The following SDK1 variants were observed in gnomAD, a reference collection of about 807,000 sequenced individuals.
SDK1 encodes protein sidekick-1.
Under a neutral mutation model 245.5 loss-of-function variants are expected in SDK1, and 157 were observed. That is an observed-to-expected ratio of 0.64 (90% confidence interval 0.56 to 0.73). The LOEUF is 0.73. Among genes scored for constraint, SDK1 ranks in the 30% least tolerant of loss-of-function variants. SDK1 has a pLI of 0.00. For synonymous variants in SDK1, 1,647 were observed against 1,278.5 expected (o/e 1.29, Z -6.15); for missense variants, 3,583 against 3,002.3 (o/e 1.19, Z -4.52).
intron 4 of SDK1, among the ~76,000 whole-genome samples, chr7:3,723,298 T>C (rs1778875764): frequency 6.6e-6 from 1 of 152,208 alleles, no homozygotes; most frequent in African/African-American, 2.4e-5. Flanking sequence ...ATGATTACCA[T>C]AGAAAACAGG....
At chr7:3,973,504 A>T (rs1782649339) in intron 12 of SDK1, among the ~76,000 whole-genome samples, 1 of 152,210 alleles carries the variant, frequency 6.6e-6, no homozygotes, top group African/African-American at 2.4e-5. Flanking sequence ...TTAAATGAGA[A>T]ATAAATGCAA....
chr7:3,492,999 G>A (rs1170916412), intron 1 of SDK1, among the ~76,000 whole-genome samples: 1 of 152,084 alleles, frequency 6.6e-6, no homozygotes, highest in East Asian at 1.9e-4. Context: ...CGCCCAGGCT[G>A]GAGTGCAGTG....
chr7:3,729,780 A>G (rs1353014336), intron 4 of SDK1, among the ~76,000 whole-genome samples: 1 of 152,112 alleles, frequency 6.6e-6, no homozygotes, highest in East Asian at 1.9e-4. Flanking sequence ...TTTAATGACC[A>G]GAATTTTTAG....
chr7:4,083,734 A>ACTTCCTCCCTCCCTCCTTTACTTCCTCCC (rs1562785192), intron 22 of SDK1, among the ~76,000 whole-genome samples: 3 of 4,118 alleles, frequency 7.3e-4, no homozygotes, highest in African/African-American at 1.4e-3. Context: ...TACTTCCTCC[A>ACTTCCTCCCTCCCTCCTTTACTTCCTCCC]TCCCTCCCTT....
intron 35 of SDK1, among the ~76,000 whole-genome samples, chr7:4,186,286 G>T (rs919546136): frequency 6.6e-6 from 1 of 152,014 alleles, no homozygotes; most frequent in Admixed American, 6.6e-5. Flanking sequence ...AAGCATGGCC[G>T]CCAGCCCAGC....
In SDK1 at chr7:3,466,640, G is replaced by C. The variant is rs566129256; in HGVS notation, c.299-152440G>C. On this transcript the variant is annotated intron_variant, in intron 1 of 44. Coordinates refer to ENST00000404826, the MANE Select transcript of SDK1 (RefSeq NM_152744.4). ...CCATATCCATGTTTCATGTGAAATT[G>C]CTTGTCATTCTTGCTTATCACTTAA... Among the ~76,000 whole-genome samples the C allele has an allele frequency of 2.6e-5, 4 of 151,318 alleles. No individual in the cohort carries two copies. In the East Asian group the frequency reaches 5.9e-4, roughly 22 times the overall value.
chr7:3,894,810 C>A (rs1000625954), intron 5 of SDK1, among the ~76,000 whole-genome samples: 1 of 149,782 alleles, frequency 6.7e-6, no homozygotes, highest in Non-Finnish European at 1.5e-5. Context: ...GCGATTTGTA[C>A]TTCAGCCTCC....
At chr7:4,233,441 T>C (rs1562463508) in intron 41 of SDK1, 22 bp downstream of exon 41, 1 of 1,604,934 alleles carries the variant, frequency 6.2e-7, no homozygotes, top group Non-Finnish European at 8.5e-7. Context: ...CAGGGAGGTC[T>C]GTCTTCTTCT....
At chr7:4,193,168 T>C (rs1377183415) in intron 35 of SDK1, among the ~76,000 whole-genome samples, 6 of 134,588 alleles carry the variant, frequency 4.5e-5, no homozygotes, top group African/African-American at 1.4e-4. Context: ...TATATTAAAA[T>C]ATTTATATAT....
At chr7:3,951,614 C>A in intron 6 of SDK1, 116 bp from the exon 7 acceptor site, 1 of 838,712 alleles carries the variant, frequency 1.2e-6, no homozygotes, top group East Asian at 2.6e-5. Context: ...TTGTTCAACC[C>A]ACCATGCACC....
At chr7:4,072,636 C>G (rs920800) in intron 20 of SDK1, among the ~76,000 whole-genome samples, 3,832 of 152,328 alleles carry the variant, frequency 0.025, 78 homozygotes, top group Admixed American at 0.053. Context: ...TGTTCGTGGG[C>G]AAACCTGGCT....
intron 21 of SDK1, among the ~76,000 whole-genome samples, chr7:4,077,878 C>T (rs1780797079): frequency 6.6e-6 from 1 of 152,156 alleles, no homozygotes; most frequent in Non-Finnish European, 1.5e-5. Context: ...CACAGCCAAA[C>T]CATATCAATG....
At chr7:4,230,020 G>C (rs1393599977) in intron 40 of SDK1, among the ~76,000 whole-genome samples, 2 of 144,426 alleles carry the variant, frequency 1.4e-5, no homozygotes, top group African/African-American at 5.2e-5. Flanking sequence ...TGGATGGATG[G>C]ATGGAAGGAG....
At chr7:3,476,835 C>G (rs1414535035) in intron 1 of SDK1, among the ~76,000 whole-genome samples, 1 of 152,150 alleles carries the variant, frequency 6.6e-6, no homozygotes, top group Non-Finnish European at 1.5e-5. Context: ...CCTAATCTAA[C>G]TAGCGGGTGG....
intron 40 of SDK1, among the ~76,000 whole-genome samples, chr7:4,222,517 A>G (rs1303267023): frequency 4.0e-5 from 6 of 151,336 alleles, no homozygotes; most frequent in Non-Finnish European, 8.8e-5. Flanking sequence ...CTGGTCTCAA[A>G]CTCCTGACCT....
chr7:4,066,155 C>T (rs1402936778), intron 19 of SDK1, among the ~76,000 whole-genome samples: 3 of 152,114 alleles, frequency 2.0e-5, no homozygotes, highest in Admixed American at 6.5e-5. Context: ...CCCTTTTCCC[C>T]GGTTCTGCCT....
intron 22 of SDK1, among the ~76,000 whole-genome samples, chr7:4,102,954 TA>T (rs34174910): frequency 0.062 from 7,007 of 113,150 alleles, 184 homozygotes; most frequent in African/African-American, 0.078. Context: ...TAAAAAAAGT[TA>T]AAAAAAAAAA....
chr7:3,974,635 C>T (rs748657771), intron 13 of SDK1, 90 bp downstream of exon 13: 29 of 1,287,934 alleles, frequency 2.3e-5, no homozygotes, highest in Non-Finnish European at 3.2e-5. Context: ...AAGTGTCACG[C>T]CCGGCTTGTG....
Position 3,728,529 on chromosome 7 carries a change from T to C in SDK1, c.713+86424T>C, listed in dbSNP as rs1779080749. ...CCCAAAACTCTTCCCAGCATTTCTT[T>C]CTGGTCAACAGTGGAGAAAGGCCTT... On this transcript the variant is annotated intron_variant, in intron 4 of 44. Transcript: ENST00000404826. Among the ~76,000 whole-genome samples the C allele has an allele frequency of 3.3e-5, 5 of 152,200 alleles. No homozygotes were observed. In the South Asian group the frequency reaches 1.0e-3, roughly 32 times the overall value.
Sources: allele counts gnomAD v4.1 joint callset (sites outside exome capture counted in the v4.1 genomes callset), GRCh38; gene constraint gnomAD v4.1.1; transcripts MANE v1.5; gene names NCBI Gene and HGNC (gene_info 2026-07-23, HGNC 2026-07-21).